ARMC9: variants seen among roughly 807,000 people sequenced by gnomAD.
ARMC9 encodes armadillo repeat containing 9.
A neutral mutation model predicts 107.0 loss-of-function variants in ARMC9; 94 were observed. That is an observed-to-expected ratio of 0.88 (90% CI 0.74 to 1.04). The LOEUF (loss-of-function observed/expected upper bound fraction) is 1.04, where lower values mean the gene tolerates loss of function less well. Among genes scored for constraint, ARMC9 ranks in the 50% least tolerant of loss-of-function variants. The probability of loss-of-function intolerance (pLI) is 0.00; values close to 1 mark genes in which losing one functional copy is unlikely to be tolerated. For synonymous variants in ARMC9, 380 were observed against 396.9 expected (o/e 0.96, Z 0.51); for missense variants, 942 against 1,030.1 (o/e 0.91, Z 1.17).
rs1291097973 is a variant in ARMC9, at chr2:231,360,747, T to A, written c.2132-7T>A. ...ATGTGGACTGAACTTTCTCTCCTCCTCCCCAGCAGCCATCATCGCCAAGCC... is the reference window on the plus strand; with the variant it reads ...ATGTGGACTGAACTTTCTCTCCTCCACCCCAGCAGCCATCATCGCCAAGCC... On this transcript the variant is annotated splice_polypyrimidine_tract_variant and splice_region_variant and intron_variant, in intron 22 of 24. Coordinates refer to ENST00000611582, the MANE Select transcript of ARMC9 (RefSeq NM_001352754.2). The surrounding 1 kb of genome is among the most constrained non-coding windows in gnomAD (Gnocchi z 4.7). The A allele has an allele frequency of 6.5e-7, 1 of 1,535,810 alleles. No homozygotes were observed. Among genetic ancestry groups the A allele is most frequent in the African/African-American group, 1.4e-5 (1 of 72,954 alleles).
intron 18 of ARMC9, among the ~76,000 whole-genome samples, chr2:231,292,130 T>A (rs1282354010): frequency 1.4e-5 from 2 of 147,272 alleles, no homozygotes; most frequent in African/African-American, 5.1e-5. Context: ...ATTGCGCCAT[T>A]GCACTCCAGC....
At chr2:231,347,724 C>T (rs1447797980) in intron 21 of ARMC9, among the ~76,000 whole-genome samples, 1 of 152,238 alleles carries the variant, frequency 6.6e-6, no homozygotes, top group African/African-American at 2.4e-5. Flanking sequence ...CCCCTCCAGT[C>T]ACCCTAGCTC....
intron 9 of ARMC9, among the ~76,000 whole-genome samples, chr2:231,252,910 G>A (rs2037434822): frequency 1.3e-5 from 2 of 151,928 alleles, no homozygotes; most frequent in South Asian, 2.1e-4. Flanking sequence ...AAAGTGTTGG[G>A]AGTACAGGCG....
chr2:231,249,731 GTTC>G, intron 9 of ARMC9, among the ~76,000 whole-genome samples: 1 of 152,304 alleles, frequency 6.6e-6, no homozygotes, highest in East Asian at 1.9e-4. Flanking sequence ...TTGTTCCACT[GTTC>G]TTCACCTGCA....
chr2:231,237,216 G>A (rs962614160), intron 8 of ARMC9, among the ~76,000 whole-genome samples: 28 of 147,938 alleles, frequency 1.9e-4, no homozygotes, highest in African/African-American at 6.8e-4. Context: ...GTACACACAT[G>A]CGTACAGCAT....
intron 8 of ARMC9, among the ~76,000 whole-genome samples, chr2:231,236,702 A>T (rs2035745275): frequency 6.6e-6 from 1 of 152,222 alleles, no homozygotes; most frequent in African/African-American, 2.4e-5. Context: ...GCACTTTGGG[A>T]GGCTGAGGTG....
chr2:231,219,099 C>A (rs1365228467), intron 5 of ARMC9, among the ~76,000 whole-genome samples: 1 of 151,916 alleles, frequency 6.6e-6, no homozygotes. Flanking sequence ...ATTCAAGGAA[C>A]TCAGAATGCA....
intron 19 of ARMC9, among the ~76,000 whole-genome samples, chr2:231,306,065 A>G (rs2042020154): frequency 6.6e-6 from 1 of 152,238 alleles, no homozygotes; most frequent in Non-Finnish European, 1.5e-5. Flanking sequence ...AATAAGGTAA[A>G]TTATTGACAT....
chr2:231,224,584 T>G (rs2034467343), intron 6 of ARMC9, among the ~76,000 whole-genome samples: 1 of 152,246 alleles, frequency 6.6e-6, no homozygotes, highest in Admixed American at 6.5e-5. Context: ...GCTGTTGGCA[T>G]TAGAATTTTT....
At chr2:231,205,382 C>T (rs1352354140) in intron 1 of ARMC9, among the ~76,000 whole-genome samples, 3 of 152,004 alleles carry the variant, frequency 2.0e-5, no homozygotes, top group Admixed American at 6.6e-5. Flanking sequence ...AAAAAAAATT[C>T]GATGAGTTCT....
At chr2:231,227,744 G>T (rs2034783701) in intron 7 of ARMC9, among the ~76,000 whole-genome samples, 1 of 152,244 alleles carries the variant, frequency 6.6e-6, no homozygotes, top group Admixed American at 6.5e-5. Context: ...GTTTGGGTTT[G>T]TCACTCAAGA....
At chr2:231,244,047 C>T (rs540230017) in intron 9 of ARMC9, among the ~76,000 whole-genome samples, 71 of 152,260 alleles carry the variant, frequency 4.7e-4, no homozygotes, top group Admixed American at 3.1e-3. Flanking sequence ...GTCAGCTCGC[C>T]GTCAGGTGCT....
intron 1 of ARMC9, among the ~76,000 whole-genome samples, chr2:231,202,373 A>G (rs1473318920): frequency 1.5e-5 from 2 of 134,080 alleles, no homozygotes; most frequent in Non-Finnish European, 1.5e-5. Context: ...CCTAGGCTGG[A>G]GTGCCATGGC....
rs2033547928 is a variant in ARMC9 at position 231,216,757 on chromosome 2, C to A, written c.468C>A (p.Asn156Lys). 6.2e-7 allele frequency: 1 copy of A among 1,614,120 alleles called. No homozygotes were observed. Among genetic ancestry groups the A allele is most frequent in the East Asian group, 2.2e-5 (1 of 44,892 alleles). Reference sequence around the variant, plus strand: ...TCTATGCCCTTCCTTTTGTTCCCAACCCTATGGTGCACCCCTCATTTAAAG... The same window carrying A: ...TCTATGCCCTTCCTTTTGTTCCCAAACCTATGGTGCACCCCTCATTTAAAG... ...LPFYALPFVPNPMVHPSFKEL... is the reference protein window; with the variant it reads ...LPFYALPFVPKPMVHPSFKEL... The change falls in exon 5 of 25, where the codon AAC becomes AAA. Residue 156 changes from asparagine to lysine, a missense_variant. Transcript: ENST00000611582.
At chr2:231,247,286 G>T (rs1223942414) in intron 9 of ARMC9, among the ~76,000 whole-genome samples, 1 of 152,130 alleles carries the variant, frequency 6.6e-6, no homozygotes, top group African/African-American at 2.4e-5. Context: ...AAATGGTTTT[G>T]ATTTTGTGAT....
intron 19 of ARMC9, among the ~76,000 whole-genome samples, chr2:231,319,529 C>T (rs2042885981): frequency 2.0e-5 from 3 of 152,190 alleles, no homozygotes. Context: ...AATCACCTGG[C>T]GGTCCCAGGC....
chr2:231,211,004 A>C (rs1220092207), intron 3 of ARMC9, among the ~76,000 whole-genome samples: 1 of 152,168 alleles, frequency 6.6e-6, no homozygotes, highest in Non-Finnish European at 1.5e-5. Flanking sequence ...ATTATGCAGT[A>C]TTCGTCTTTC....
chr2:231,333,601 C>A (rs972107698), intron 20 of ARMC9, among the ~76,000 whole-genome samples: 1 of 152,196 alleles, frequency 6.6e-6, no homozygotes, highest in Non-Finnish European at 1.5e-5. Flanking sequence ...AGGCCTCTGT[C>A]GCCCTTTGGA....
intron 2 of ARMC9, 53 bp downstream of exon 2, chr2:231,206,342 G>C: frequency 6.6e-7 from 1 of 1,513,686 alleles, no homozygotes; most frequent in Non-Finnish European, 9.1e-7. Flanking sequence ...TTGAAAACTT[G>C]TGTTTTAAAA....
Sources: allele counts gnomAD v4.1 joint callset (sites outside exome capture counted in the v4.1 genomes callset), GRCh38; gene constraint gnomAD v4.1.1; non-coding constraint Gnocchi (gnomAD v3.1); transcripts MANE v1.5; gene names NCBI Gene and HGNC (gene_info 2026-07-23, HGNC 2026-07-21).